TBK1: variants seen among roughly 807,000 people sequenced by gnomAD.
TBK1 encodes serine/threonine-protein kinase TBK1.
In TBK1, 37 loss-of-function variants were observed where a neutral mutation model predicts 99.9. The ratio of observed to expected loss-of-function variants is 0.37; its 90% CI spans 0.28 to 0.49. TBK1 has a LOEUF of 0.49. Ranked by LOEUF, TBK1 falls within the 20% of genes least tolerant of loss-of-function variation. TBK1 has a pLI of 0.98. For missense variants in TBK1, 644 were observed against 872.5 expected, an observed-to-expected ratio of 0.74 and a Z score of 3.30; for synonymous variants, 258 against 279.8, an observed-to-expected ratio of 0.92 and a Z score of 0.78.
intron 5 of TBK1, among the ~76,000 whole-genome samples, chr12:64,469,757 T>C (rs1025399764): frequency 4.6e-5 from 7 of 152,032 alleles, no homozygotes; most frequent in Non-Finnish European, 1.0e-4. Flanking sequence ...TGTTCAAAAA[T>C]TCAATTTCTC....
intron 5 of TBK1, among the ~76,000 whole-genome samples, chr12:64,470,295 T>C (rs1386169501): frequency 6.6e-6 from 1 of 152,166 alleles, no homozygotes; most frequent in Non-Finnish European, 1.5e-5. Context: ...TAAAATAGCA[T>C]ATCTTAATAA....
At position 64,488,512 on chromosome 12, in the gene TBK1, G is replaced by C; in HGVS notation, c.1366G>C (p.Glu456Gln). 6.3e-7 allele frequency: 1 copy of C among 1,597,066 alleles called. No individual in the cohort carries two copies. The highest frequency in any genetic ancestry group is 8.5e-7 in the Non-Finnish European group (1 of 1,173,546). ...TGAATTAATTAAAGATGATTACAATGAAACTGTTCACAAAAAGACAGAAGT... is the reference window on the plus strand; with the variant it reads ...TGAATTAATTAAAGATGATTACAATCAAACTGTTCACAAAAAGACAGAAGT... ...LIELIKDDYN[E>Q]TVHKKTEVVI... The change falls in exon 12 of 21, where the codon GAA becomes CAA. Residue 456 changes from glutamate (E) to glutamine (Q), a missense_variant. Glu to Gln is a conservative substitution (Grantham distance 29, BLOSUM62 2). Around this residue, in one of 3 missense-constraint regions of TBK1, gnomAD observed 465 missense variants for 588.0 expected, o/e 0.79. Transcript: ENST00000331710.
chr12:64,455,757 C>T (rs1345415244), intron 1 of TBK1, 83 bp from the exon 2 acceptor site: 1 of 680,514 alleles, frequency 1.5e-6, no homozygotes, highest in African/African-American at 1.8e-5. Context: ...GGTGATCTTA[C>T]TTGAGACTAA....
intron 3 of TBK1, 103 bp from the exon 4 acceptor site, chr12:64,464,231 T>C (rs1457517383): frequency 5.4e-6 from 5 of 932,092 alleles, no homozygotes; most frequent in Non-Finnish European, 7.7e-6. Context: ...AGTGCCTTCA[T>C]CATTGTAGCA....
In TBK1 at chr12:64,497,878, A is replaced by G. The variant is rs147065590; in HGVS notation, c.2067-90A>G. 411 of 1,413,896 alleles carry G rather than the reference A, an allele frequency of 2.9e-4. 2 individuals carry two copies. In the African/African-American group the frequency reaches 4.7e-3, roughly 16 times the overall value. The allele number at this position is 1,413,896 out of a possible 1,614,324, so 87.6% of individuals were successfully genotyped here. On this transcript the variant is annotated intron_variant, in intron 19 of 20. Transcript: ENST00000331710. ...AATACAATGTTTAATAAGGTTATCT[A>G]TTGACCAGTTAAAAGAAAATAAAAC... is the stretch of plus-strand genomic sequence containing the variant.
intron 4 of TBK1, 56 bp downstream of exon 4, chr12:64,464,519 T>G: frequency 7.2e-7 from 1 of 1,384,786 alleles, no homozygotes; most frequent in South Asian, 1.5e-5. Context: ...TAACAGAATT[T>G]TTAAAAAATA....
intron 8 of TBK1, among the ~76,000 whole-genome samples, chr12:64,483,118 T>G (rs1263231791): frequency 6.6e-6 from 1 of 152,246 alleles, no homozygotes; most frequent in Non-Finnish European, 1.5e-5. Flanking sequence ...AATAATAACT[T>G]AATTGTACAT....
At chr12:64,454,931 C>T (rs1372909249) in intron 1 of TBK1, among the ~76,000 whole-genome samples, 3 of 151,760 alleles carry the variant, frequency 2.0e-5, no homozygotes, top group African/African-American at 7.3e-5. Context: ...CCCGCCTCGG[C>T]CTCCCAAAGT....
chr12:64,467,193 T>A (rs992615425), intron 5 of TBK1, 111 bp downstream of exon 5: 1 of 829,444 alleles, frequency 1.2e-6, no homozygotes, highest in Admixed American at 3.5e-5. Context: ...ATGACAAAAA[T>A]TAAATTTTCT....
intron 13 of TBK1, 161 bp from the exon 14 acceptor site, chr12:64,495,322 C>T: frequency 1.2e-6 from 1 of 849,202 alleles, no homozygotes; most frequent in East Asian, 2.7e-5. Flanking sequence ...TGGAAATCAA[C>T]CTAAGAAACT....
intron 18 of TBK1, among the ~76,000 whole-genome samples, 166 bp from the exon 19 acceptor site, chr12:64,497,482 T>C (rs937986227): frequency 2.0e-5 from 3 of 152,168 alleles, no homozygotes; most frequent in African/African-American, 7.2e-5. Flanking sequence ...CTTAAAAGGG[T>C]GTTGATTTAA....
intron 3 of TBK1, among the ~76,000 whole-genome samples, chr12:64,463,870 G>GTT (rs562876176): frequency 1.2e-4 from 16 of 137,890 alleles, no homozygotes; most frequent in South Asian, 4.6e-4. Context: ...TTTTTTTTTT[G>GTT]TTTTTTTTTT....
At chr12:64,465,253 A>AAC (rs1555202822) in intron 4 of TBK1, among the ~76,000 whole-genome samples, 2 of 150,832 alleles carry the variant, frequency 1.3e-5, no homozygotes, top group African/African-American at 2.4e-5. Context: ...AAAAAAAAAA[A>AAC]AAAAAAAAAA....
intron 4 of TBK1, 64 bp downstream of exon 4, chr12:64,464,527 AT>A (rs2040582778): frequency 7.6e-7 from 1 of 1,321,718 alleles, no homozygotes; most frequent in South Asian, 1.6e-5. Context: ...TTTTTAAAAA[AT>A]ATCTTCCATT....
At chr12:64,452,627 C>T (rs907699701) in intron 1 of TBK1, 1 of 152,164 alleles carries the variant, frequency 6.6e-6, no homozygotes. Flanking sequence ...ACACAACGGG[C>T]AGTTTTTAAA....
intron 8 of TBK1, 64 bp downstream of exon 8, chr12:64,482,085 G>A: frequency 1.7e-6 from 2 of 1,162,820 alleles, no homozygotes; most frequent in Non-Finnish European, 2.2e-6. Flanking sequence ...CCTAAGTTAG[G>A]AAAAGAAATA....
At chr12:64,490,863 A>G (rs1321158137) in intron 13 of TBK1, among the ~76,000 whole-genome samples, 1 of 151,492 alleles carries the variant, frequency 6.6e-6, no homozygotes, top group Admixed American at 6.6e-5. Context: ...CGGAGGTTGT[A>G]GTGAGTCGAG....
At chr12:64,485,754 G>T in intron 10 of TBK1, 172 bp from the exon 11 acceptor site, 1 of 448,886 alleles carries the variant, frequency 2.2e-6, no homozygotes, top group Middle Eastern at 5.7e-4. Context: ...ATAATGTTAA[G>T]GATAACATAT....
chr12:64,490,335 G>A (rs1204489287), intron 13 of TBK1, among the ~76,000 whole-genome samples: 1 of 152,120 alleles, frequency 6.6e-6, no homozygotes, highest in African/African-American at 2.4e-5. Flanking sequence ...GCAACTGCAC[G>A]AAATCTTGTC....
Sources: allele counts gnomAD v4.1 joint callset (sites outside exome capture counted in the v4.1 genomes callset), GRCh38; gene constraint gnomAD v4.1.1; regional missense constraint gnomAD v4.1.1; transcripts MANE v1.5; gene names NCBI Gene and HGNC (gene_info 2026-07-23, HGNC 2026-07-21).